The following RUFY3 variants were observed in gnomAD, a reference collection of about 807,000 sequenced individuals.
RUFY3 encodes protein RUFY3.
RUFY3 carries 34 observed loss-of-function variants against 84.0 expected under a neutral mutation model. The ratio of observed to expected loss-of-function variants is 0.40; its 90% CI spans 0.31 to 0.54. The LOEUF (loss-of-function observed/expected upper bound fraction) is 0.54, where lower values mean the gene tolerates loss of function less well. Among genes scored for constraint, RUFY3 ranks in the 20% least tolerant of loss-of-function variants. The pLI is 0.39. For missense variants in RUFY3, 507 were observed against 736.8 expected (o/e 0.69, Z 3.61); for synonymous variants, 242 against 252.9 (o/e 0.96, Z 0.41).
Position 70,741,885 on chromosome 4 carries a change from C to T in RUFY3, c.178+19134C>T, listed in dbSNP as rs7663248. On this transcript the variant is annotated intron_variant, in intron 1 of 17. Transcript: ENST00000381006. Reference sequence around the variant, plus strand: ...CTTTTGAAAGATATTTGCTGAATAACGTGTTTAAAAGGGACATTATTTCAA... The same window carrying T: ...CTTTTGAAAGATATTTGCTGAATAATGTGTTTAAAAGGGACATTATTTCAA... Among the ~76,000 whole-genome samples the T allele has an allele frequency of 3.1e-3, 474 of 152,238 alleles. 3 individuals are homozygous for T. Among genetic ancestry groups the T allele is most frequent in the African/African-American group, 0.01 (424 of 41,530 alleles).
At chr4:70,729,397 C>T (rs1387076280) in intron 1 of RUFY3, among the ~76,000 whole-genome samples, 1 of 152,148 alleles carries the variant, frequency 6.6e-6, no homozygotes, top group Non-Finnish European at 1.5e-5. Flanking sequence ...GCTGGGATTA[C>T]AGGCGCATAC....
chr4:70,801,215 C>T (rs1320490925), intron 15 of RUFY3, among the ~76,000 whole-genome samples: 3 of 148,682 alleles, frequency 2.0e-5, no homozygotes, highest in African/African-American at 5.0e-5. Flanking sequence ...AAGGAAGGAA[C>T]GAACCGGTGG....
chr4:70,717,022 C>T (rs573641745), upstream of RUFY3, among the ~76,000 whole-genome samples: 27 of 151,992 alleles, frequency 1.8e-4, no homozygotes, highest in Non-Finnish European at 2.5e-4. Context: ...ATGATTTACA[C>T]GAAATTCAGA....
At chr4:70,739,080 C>CTT (rs111822896) in intron 1 of RUFY3, among the ~76,000 whole-genome samples, 31 of 137,486 alleles carry the variant, frequency 2.3e-4, no homozygotes, top group African/African-American at 4.5e-4. Flanking sequence ...GGCTATTTGT[C>CTT]TTTTTTTTTT....
chr4:70,793,263 G>T, intron 12 of RUFY3: 1 of 990,496 alleles, frequency 1.0e-6, no homozygotes, highest in Non-Finnish European at 1.2e-6. Flanking sequence ...CTAGGTGAGG[G>T]TTGATATATA....
intron 1 of RUFY3, among the ~76,000 whole-genome samples, chr4:70,760,366 G>A (rs1291267597): frequency 6.6e-6 from 1 of 152,160 alleles, no homozygotes; most frequent in African/African-American, 2.4e-5. Flanking sequence ...ACTTTGACTA[G>A]CAGCATTGTT....
rs566669047 is a variant in RUFY3, at chr4:70,762,820, T to C, written c.352+128T>C. 3.4e-4 allele frequency: 273 copies of C among 798,700 alleles called. No homozygotes were observed. The Middle Eastern group carries it at 7.6e-3, about 22-fold the overall frequency. 49.5% of individuals were successfully genotyped at this position (798,700 alleles called of 1,614,324 possible). ...AATTAATAATATTAATCCATTGGAA[T>C]GCAGTCTTTTATAGGAGCAGGGTTA... On this transcript the variant is annotated intron_variant, in intron 2 of 17. Coordinates refer to ENST00000381006, the MANE Select transcript of RUFY3 (RefSeq NM_001037442.4).
At chr4:70,724,016 A>C (rs1320376699) in intron 1 of RUFY3, among the ~76,000 whole-genome samples, 5 of 152,148 alleles carry the variant, frequency 3.3e-5, no homozygotes, top group African/African-American at 9.7e-5. Flanking sequence ...GACCCTTTGC[A>C]TCTTTTAACA....
chr4:70,705,236 C>T lies in RUFY3; in HGVS notation c.300C>T (p.Pro100=), dbSNP rs189898701. ...CGCCGTCCCCCGGCTCACCGCTGCC[C>T]TTCCTGCTGCTGAGCTACCCGAGCG... Residue 100 remains proline (P), a synonymous_variant, in exon 1 of 12, where the codon CCC becomes CCT. Transcript: ENST00000417478. 3.0e-3 allele frequency: 4,356 copies of T among 1,461,200 alleles called. 124 individuals carry two copies. In the African/African-American group the frequency reaches 0.057, roughly 19 times the overall value. The allele number at this position is 1,461,200 out of a possible 1,614,324, so 90.5% of individuals were successfully genotyped here.
rs1177577978 is a variant in RUFY3 at position 70,808,389 on chromosome 4, G to A, written c.*1730G>A. Among the ~76,000 whole-genome samples, 4 of 152,184 alleles carry A rather than the reference G, an allele frequency of 2.6e-5. No individual in the cohort carries two copies. Among genetic ancestry groups the A allele is most frequent in the Admixed American group, 1.3e-4 (2 of 15,282 alleles). On this transcript the variant is annotated 3_prime_UTR_variant, in exon 18 of 18. Coordinates refer to ENST00000381006, the MANE Select transcript of RUFY3 (RefSeq NM_001037442.4). The stretch of plus-strand genomic sequence containing the variant: ...ATAATATTTTGATTCTGTTACGTGT[G>A]TCTATAGATTGTTTCATTCTAATCA...
exon 1 of RUFY3, chr4:70,704,857 GCGGCTCCTCGCCCTGACC>G (rs1460051517): frequency 5.3e-6 from 5 of 936,472 alleles, no homozygotes; most frequent in East Asian, 7.4e-5. Flanking sequence ...GGACGGGGCG[GCGGCTCCTCGCCCTGACC>G]CTCTGCTCCC....
chr4:70,706,012 A>C (rs1056003244), intron 1 of RUFY3, among the ~76,000 whole-genome samples: 5 of 152,156 alleles, frequency 3.3e-5, no homozygotes, highest in African/African-American at 1.2e-4. Flanking sequence ...CCACTGGCAC[A>C]CGCGAGCGCT....
chr4:70,806,118 G>A (rs146239549), intron 17 of RUFY3, among the ~76,000 whole-genome samples: 194 of 152,230 alleles, frequency 1.3e-3, no homozygotes, highest in Middle Eastern at 6.8e-3. Flanking sequence ...TCATACTCTG[G>A]ACATTTTTAA....
intron 17 of RUFY3, among the ~76,000 whole-genome samples, chr4:70,806,079 G>A (rs1010436481): frequency 6.6e-6 from 1 of 152,220 alleles, no homozygotes; most frequent in South Asian, 2.1e-4. Context: ...AAGCACATCA[G>A]TGTATTTATT....
intron 9 of RUFY3, among the ~76,000 whole-genome samples, chr4:70,783,402 G>A (rs2063807414): frequency 6.6e-6 from 1 of 152,226 alleles, no homozygotes; most frequent in South Asian, 2.1e-4. Flanking sequence ...TCTGTTTAGA[G>A]ACTTCAAGAA....
intron 8 of RUFY3, among the ~76,000 whole-genome samples, chr4:70,780,420 A>T (rs1345140204): frequency 6.6e-6 from 1 of 152,084 alleles, no homozygotes; most frequent in African/African-American, 2.4e-5. Flanking sequence ...TCAGCCTCCG[A>T]GTAGCCGGGA....
At chr4:70,765,385 A>G (rs73824888) in intron 4 of RUFY3, among the ~76,000 whole-genome samples, 11,008 of 151,878 alleles carry the variant, frequency 0.072, 636 homozygotes, top group East Asian at 0.2. Flanking sequence ...AGTTACCTTG[A>G]AGAGGTGGGG....
intron 15 of RUFY3, among the ~76,000 whole-genome samples, chr4:70,801,181 A>G (rs1441492654): frequency 1.3e-5 from 2 of 150,458 alleles, no homozygotes; most frequent in African/African-American, 2.5e-5. Flanking sequence ...AAAAAAAAAA[A>G]TCAGTGGTTG....
intron 15 of RUFY3, among the ~76,000 whole-genome samples, chr4:70,801,487 T>G (rs977683113): frequency 2.6e-5 from 4 of 152,166 alleles, no homozygotes; most frequent in Non-Finnish European, 5.9e-5. Context: ...TCTACTCAAT[T>G]TGACTGTGAA....
Sources: gnomAD v4.1 joint callset for allele counts (sites outside exome capture counted in the v4.1 genomes callset) on GRCh38, gnomAD v4.1.1 for gene constraint, MANE v1.5 for transcripts, NCBI Gene and HGNC (gene_info 2026-07-23, HGNC 2026-07-21) for gene names.